The following KCTD14 variants were observed in gnomAD, a reference collection of about 807,000 sequenced individuals.
The protein encoded by KCTD14 is BTB/POZ domain-containing protein KCTD14.
A neutral mutation model predicts 5.9 loss-of-function variants in KCTD14; 7 were observed. That is an observed-to-expected ratio of 1.19 (90% CI 0.68 to 2.23). The LOEUF is 2.23. Among genes scored for constraint, KCTD14 ranks in the 30% most tolerant of loss-of-function variants. KCTD14 has a pLI of 0.00. For missense variants in KCTD14, 342 were observed against 332.2 expected (o/e 1.03, Z -0.23); for synonymous variants, 140 against 133.1 (o/e 1.05, Z -0.36).
chr11:78,023,361 C>A, upstream of KCTD14: 1 of 985,260 alleles, frequency 1.0e-6, no homozygotes, highest in Non-Finnish European at 1.5e-6. Context: ...TGAGACTGGG[C>A]CAAGTGCAGA....
rs1367581288 is a variant in KCTD14, at chr11:78,023,223, C to G, written c.27G>C (p.Arg9=). 1 of 1,608,310 alleles carries G rather than the reference C, an allele frequency of 6.2e-7. No homozygotes were observed. Among genetic ancestry groups the G allele is most frequent in the Non-Finnish European group, 8.5e-7 (1 of 1,179,362 alleles). Residue 9 remains arginine, a synonymous_variant, in exon 1 of 2, where the codon CGG becomes CGC. Coordinates refer to ENST00000353172, the MANE Select transcript of KCTD14 (RefSeq NM_023930.4). ...TCTGGCTCGTCATCCTGCCCACTGG[C>G]CGCTCCACTGCGCAGCCCTGCCACA... MWQGCAVE[R]PVGRMTSQTP...
chr11:78,033,766 C>G (rs921939845), intron 2 of KCTD14, among the ~76,000 whole-genome samples: 2 of 149,632 alleles, frequency 1.3e-5, no homozygotes, highest in African/African-American at 4.9e-5. Context: ...GAGGATTGCT[C>G]GAACCAGAGG....
In KCTD14 at chr11:78,016,273, T is replaced by C. The variant is rs970387581; in HGVS notation, c.*320A>G. On this transcript the variant is annotated 3_prime_UTR_variant, in exon 2 of 2. Coordinates refer to ENST00000353172, the MANE Select transcript of KCTD14 (RefSeq NM_023930.4). ...TCTAGATTCACAGTATCTTGTATGT[T>C]CCTGTTGTCATCTCACATCTCTTGC... 1 of 374,406 alleles carries C rather than the reference T, an allele frequency of 2.7e-6. No individual in the cohort carries two copies. The highest frequency in any genetic ancestry group is 4.9e-6 in the Non-Finnish European group (1 of 203,878). 23.2% of individuals were successfully genotyped at this position (374,406 alleles called of 1,614,324 possible). A position where few individuals can be genotyped will look rare whatever the true frequency, so the allele number is the denominator to read the frequency against.
chr11:78,039,566 G>A (rs1210700239), intron 1 of KCTD14, among the ~76,000 whole-genome samples: 2 of 151,492 alleles, frequency 1.3e-5, no homozygotes, highest in Non-Finnish European at 2.9e-5. Context: ...ATTTAAACAT[G>A]TATGAGCCTG....
intron 2 of KCTD14, among the ~76,000 whole-genome samples, chr11:78,028,364 G>A (rs1262867426): frequency 6.6e-6 from 1 of 152,108 alleles, no homozygotes; most frequent in Admixed American, 6.6e-5. Context: ...CAGCACTTTG[G>A]GAGGCTGAGG....
chr11:78,018,400 A>G (rs963734064), intron 1 of KCTD14, among the ~76,000 whole-genome samples: 1 of 151,352 alleles, frequency 6.6e-6, no homozygotes, highest in Non-Finnish European at 1.5e-5. Flanking sequence ...AGATTTAAGG[A>G]AAAAAAATTT....
At chr11:78,034,183 C>T (rs1404641079) in intron 2 of KCTD14, among the ~76,000 whole-genome samples, 1 of 151,948 alleles carries the variant, frequency 6.6e-6, no homozygotes, top group Non-Finnish European at 1.5e-5. Context: ...TCAGGGGCGC[C>T]ACAATCACAG....
chr11:78,031,380 T>C (rs1393580459), intron 2 of KCTD14, among the ~76,000 whole-genome samples: 1 of 151,940 alleles, frequency 6.6e-6, no homozygotes, highest in African/African-American at 2.4e-5. Flanking sequence ...TTTTTTAAAA[T>C]TTATTTTATT....
At chr11:78,025,548 T>C (rs1857444337), upstream of KCTD14, among the ~76,000 whole-genome samples, 1 of 152,174 alleles carries the variant, frequency 6.6e-6, no homozygotes, top group Admixed American at 6.6e-5. Context: ...ACCATCACAT[T>C]GACCCAAGTT....
chr11:78,041,569 G>A (rs1020857098), intron 1 of KCTD14, among the ~76,000 whole-genome samples: 4 of 152,224 alleles, frequency 2.6e-5, no homozygotes, highest in South Asian at 4.1e-4. Flanking sequence ...CACTGGAGCC[G>A]GCAATGGCAA....
intron 1 of KCTD14, among the ~76,000 whole-genome samples, chr11:78,020,227 G>A (rs1857274740): frequency 6.6e-6 from 1 of 152,206 alleles, no homozygotes. Flanking sequence ...CATAGTGTTA[G>A]AGGAAAGATT....
chr11:78,025,451 T>C (rs1438531707), upstream of KCTD14, among the ~76,000 whole-genome samples: 1 of 152,102 alleles, frequency 6.6e-6, no homozygotes, highest in Non-Finnish European at 1.5e-5. Context: ...GACTCAAATG[T>C]TAATCTCCAT....
upstream of KCTD14, chr11:78,023,338 G>T: frequency 1.5e-6 from 2 of 1,329,090 alleles, no homozygotes; most frequent in Non-Finnish European, 2.1e-6. Flanking sequence ...GCTGAGCCAG[G>T]CGTGGCTTGC....
Position 78,016,985 on chromosome 11 carries a change from G to A in KCTD14, c.376C>T (p.Pro126Ser). The change falls in exon 2 of 2, where the codon CCA becomes TCA. Residue 126 changes from proline to serine, a missense_variant. Physicochemically the swap from Pro to Ser is moderately conservative, Grantham distance 74. Coordinates refer to ENST00000353172, the MANE Select transcript of KCTD14 (RefSeq NM_023930.4). The part of the protein sequence containing the change: ...KPLVKLLEDM[P>S]QIFGEQVSRK... ...GACACCTGCTCACCAAAGATCTGTG[G>A]CATGTCCTCCAGCAGCTTGACCAAA... is the stretch of plus-strand genomic sequence containing the variant. The A allele has an allele frequency of 1.2e-6, 2 of 1,614,192 alleles. No individual in the cohort carries two copies.
At chr11:78,042,618 G>A (rs557483678) in intron 1 of KCTD14, among the ~76,000 whole-genome samples, 7 of 152,328 alleles carry the variant, frequency 4.6e-5, no homozygotes, top group South Asian at 2.1e-4. Flanking sequence ...GGCCACCTTC[G>A]TGTTGAAGCA....
intron 1 of KCTD14, among the ~76,000 whole-genome samples, chr11:78,041,062 T>C (rs989677586): frequency 1.3e-5 from 2 of 152,150 alleles, no homozygotes; most frequent in Admixed American, 6.5e-5. Context: ...GTAAGCCAGG[T>C]TGACCCAGGC....
At chr11:78,019,907 A>T (rs984455508) in intron 1 of KCTD14, among the ~76,000 whole-genome samples, 1 of 152,188 alleles carries the variant, frequency 6.6e-6, no homozygotes, top group African/African-American at 2.4e-5. Context: ...TTGAGCTCTT[A>T]GTCATTACAT....
chr11:78,038,668 T>A (rs1000661311), exon 2 of KCTD14: 5 of 1,535,472 alleles, frequency 3.3e-6, no homozygotes, highest in Non-Finnish European at 4.4e-6. Flanking sequence ...GCATACCTAA[T>A]GGGTGGTGGC....
chr11:78,034,288 A>G (rs1857723973), intron 2 of KCTD14, among the ~76,000 whole-genome samples: 2 of 152,108 alleles, frequency 1.3e-5, no homozygotes, highest in Non-Finnish European at 2.9e-5. Flanking sequence ...ATGCCTGGCT[A>G]GTTTTTAAAT....
Sources: gnomAD v4.1 joint callset for allele counts (sites outside exome capture counted in the v4.1 genomes callset) on GRCh38, gnomAD v4.1.1 for gene constraint, MANE v1.5 for transcripts, NCBI Gene and HGNC (gene_info 2026-07-23, HGNC 2026-07-21) for gene names.